Variants in ETF1 observed in about 807,000 individuals in gnomAD.
The protein encoded by ETF1 is eukaryotic translation termination factor 1.
ETF1 carries 4 observed loss-of-function variants against 55.1 expected under a neutral mutation model. The ratio of observed to expected loss-of-function variants is 0.07; its 90% CI spans 0.04 to 0.17. The LOEUF (loss-of-function observed/expected upper bound fraction) is 0.17, where lower values mean the gene tolerates loss of function less well. ETF1 is among the 10% of genes least tolerant of loss of function. ETF1 has a pLI of 1.00. For missense variants in ETF1, 142 were observed against 523.6 expected (o/e 0.27, Z 7.11); for synonymous variants, 157 against 182.3 (o/e 0.86, Z 1.12).
At chr5:138,522,377 T>C (rs898385685) in intron 2 of ETF1, among the ~76,000 whole-genome samples, 5 of 152,068 alleles carry the variant, frequency 3.3e-5, no homozygotes, top group African/African-American at 4.8e-5. Context: ...TGTGAAGAAA[T>C]CGAAATCTTC....
intron 4 of ETF1, among the ~76,000 whole-genome samples, chr5:138,515,214 G>C (rs1561832170): frequency 6.6e-6 from 1 of 152,328 alleles, no homozygotes; most frequent in East Asian, 1.9e-4. Context: ...ATCACTCGAG[G>C]TCAGGAGTTT....
At chr5:138,539,742 C>T (rs928640954) in intron 2 of ETF1, among the ~76,000 whole-genome samples, 30 of 152,188 alleles carry the variant, frequency 2.0e-4, no homozygotes, top group African/African-American at 7.0e-4. Context: ...AAATGCTCTT[C>T]TACACACGTG....
chr5:138,540,957 C>T (rs1237170183), intron 2 of ETF1, among the ~76,000 whole-genome samples: 9 of 152,168 alleles, frequency 5.9e-5, no homozygotes, highest in Non-Finnish European at 5.9e-5. Context: ...TTCAATGTTA[C>T]TTCATTCAAA....
rs141163773 is a variant in ETF1, at chr5:138,535,780, C to A, written c.86+7053G>T. Reference sequence around the variant, plus strand: ...GGACACACCTGTAATCCCAGCTACTCGGGAGGCTGAGCTGAACCTGGGAGG... The same window carrying A: ...GGACACACCTGTAATCCCAGCTACTAGGGAGGCTGAGCTGAACCTGGGAGG... On this transcript the variant is annotated intron_variant, in intron 2 of 10. Coordinates refer to ENST00000360541, the MANE Select transcript of ETF1 (RefSeq NM_004730.4). Among the ~76,000 whole-genome samples the A allele has an allele frequency of 3.6e-3, 474 of 133,518 alleles. 6 individuals are homozygous for A. Among genetic ancestry groups the A allele is most frequent in the Middle Eastern group, 0.018 (4 of 220 alleles). 87.6% of individuals were successfully genotyped at this position (133,518 alleles called of 152,430 possible).
chr5:138,526,121 C>A (rs543955507), intron 2 of ETF1, among the ~76,000 whole-genome samples: 1 of 152,164 alleles, frequency 6.6e-6, no homozygotes, highest in African/African-American at 2.4e-5. Flanking sequence ...AAACTTTCCC[C>A]TAATTACTGA....
intron 2 of ETF1, among the ~76,000 whole-genome samples, chr5:138,531,759 G>A (rs183222613): frequency 6.6e-6 from 1 of 152,160 alleles, no homozygotes; most frequent in East Asian, 1.9e-4. Context: ...TTAAATCTCA[G>A]CCAGAGGCCA....
intron 2 of ETF1, among the ~76,000 whole-genome samples, chr5:138,523,449 G>A (rs755578346): frequency 9.9e-5 from 15 of 152,130 alleles, no homozygotes; most frequent in Non-Finnish European, 1.9e-4. Context: ...CAGGAGAATC[G>A]CTTGAACCCG....
intron 2 of ETF1, among the ~76,000 whole-genome samples, chr5:138,531,089 A>G (rs1016214311): frequency 3.9e-5 from 6 of 152,192 alleles, no homozygotes; most frequent in Non-Finnish European, 8.8e-5. Context: ...TCCCCACTGC[A>G]ATAGTATTGA....
Position 138,506,122 on chromosome 5 carries a change from C to G in ETF1, c.*2183G>C, listed in dbSNP as rs1263818266. ...TTCTTAAATATGGTTTAATACTCTT[C>G]TCCATTTCTGTACATCACAACACCA... On this transcript the variant is annotated 3_prime_UTR_variant, in exon 11 of 11. Coordinates refer to ENST00000360541, the MANE Select transcript of ETF1 (RefSeq NM_004730.4). 6.6e-6 allele frequency: 1 copy of G among 152,630 alleles called. No individual in the cohort carries two copies. Among genetic ancestry groups the G allele is most frequent in the Non-Finnish European group, 1.5e-5 (1 of 68,038 alleles). 9.5% of individuals were successfully genotyped at this position (152,630 alleles called of 1,614,324 possible). A position where few individuals can be genotyped will look rare whatever the true frequency, so the allele number is the denominator to read the frequency against.
At chr5:138,532,681 G>T (rs1765753038) in intron 2 of ETF1, among the ~76,000 whole-genome samples, 1 of 152,064 alleles carries the variant, frequency 6.6e-6, no homozygotes, top group African/African-American at 2.4e-5. Context: ...CACCTTTACG[G>T]GATTACAGGA....
intron 2 of ETF1, among the ~76,000 whole-genome samples, chr5:138,536,247 T>C (rs982167148): frequency 3.3e-5 from 5 of 152,106 alleles, no homozygotes; most frequent in African/African-American, 9.7e-5. Flanking sequence ...CTAAAGGAGA[T>C]CTTAGAAGAA....
At chr5:138,524,502 G>A (rs141555140) in intron 2 of ETF1, among the ~76,000 whole-genome samples, 1,720 of 150,992 alleles carry the variant, frequency 0.011, 22 homozygotes, top group Middle Eastern at 0.041. Flanking sequence ...GCAGTGAGCC[G>A]TGATCACACC....
intron 2 of ETF1, among the ~76,000 whole-genome samples, chr5:138,524,577 CGTTTTTT>C (rs1311848283): frequency 6.8e-6 from 1 of 147,860 alleles, no homozygotes; most frequent in African/African-American, 2.5e-5. Context: ...AATTTCTTTC[CGTTTTTT>C]GTTTTTTTTT....
At chr5:138,525,020 A>C (rs1765408496) in intron 2 of ETF1, among the ~76,000 whole-genome samples, 1 of 151,922 alleles carries the variant, frequency 6.6e-6, no homozygotes, top group Non-Finnish European at 1.5e-5. Flanking sequence ...TATTTCTTTT[A>C]ATGTCTCTTG....
chr5:138,534,126 A>G (rs2127123593), intron 2 of ETF1, among the ~76,000 whole-genome samples: 1 of 152,194 alleles, frequency 6.6e-6, no homozygotes. Context: ...CATTACAGCA[A>G]CCTCCACCCT....
intron 4 of ETF1, chr5:138,513,925 G>A (rs1764913972): frequency 2.2e-6 from 2 of 896,702 alleles, no homozygotes; most frequent in Non-Finnish European, 2.7e-6. Context: ...ATATCTATGT[G>A]AAGCTTTTCA....
At position 138,523,224 on chromosome 5, in the gene ETF1, G is replaced by A. The variant is rs528493125; in HGVS notation, c.87-4357C>T. On this transcript the variant is annotated intron_variant, in intron 2 of 10. Transcript: ENST00000360541. ...TCTACTAAAAATACAAAAATTAGCC[G>A]GGCGTGGTGGTGTGTGCCTGTAATC... 5.3e-5 allele frequency among the ~76,000 whole-genome samples: 8 copies of A among 152,188 alleles called. No homozygotes were observed. In the East Asian group the frequency reaches 5.8e-4, roughly 11 times the overall value.
chr5:138,510,453 C>A, intron 9 of ETF1, 112 bp downstream of exon 9: 1 of 656,632 alleles, frequency 1.5e-6, no homozygotes, highest in East Asian at 3.1e-5. Context: ...CCCACAGCAC[C>A]CCCAATTAGT....
intron 4 of ETF1, among the ~76,000 whole-genome samples, chr5:138,516,294 G>A (rs1203282417): frequency 6.6e-6 from 1 of 152,098 alleles, no homozygotes; most frequent in East Asian, 1.9e-4. Flanking sequence ...TCCATAGTGT[G>A]ATAGCTCACA....
Sources: allele counts gnomAD v4.1 joint callset (sites outside exome capture counted in the v4.1 genomes callset), GRCh38; gene constraint gnomAD v4.1.1; transcripts MANE v1.5; gene names NCBI Gene and HGNC (gene_info 2026-07-23, HGNC 2026-07-21).